Variants in PTK2B observed in about 807,000 individuals in gnomAD.
PTK2B encodes the protein protein tyrosine kinase 2 beta.
Under a neutral mutation model 142.9 loss-of-function variants are expected in PTK2B, and 71 were observed. That is an observed-to-expected ratio of 0.50 (90% CI 0.41 to 0.61). PTK2B has a LOEUF of 0.61. PTK2B is among the 20% of genes least tolerant of loss of function. PTK2B has a pLI of 0.00. For synonymous variants in PTK2B, 519 were observed against 503.4 expected (o/e 1.03, Z -0.42); for missense variants, 1,105 against 1,320.4 (o/e 0.84, Z 2.53).
At position 27,352,472 on chromosome 8, in the gene PTK2B, AG is replaced by A. The variant is rs902304500; in HGVS notation, c.-38+26798del. Among the ~76,000 whole-genome samples the A allele has an allele frequency of 3.3e-5, 5 of 152,044 alleles. No homozygotes were observed. In the East Asian group the frequency reaches 7.7e-4, roughly 23 times the overall value. The stretch of plus-strand genomic sequence containing the variant: ...ATCTACTTAACGTCTTCAGGGGTGG[AG>A]GGGGGGCGGTCATCTGGGCCAGCCT... On this transcript the variant is annotated intron_variant, in intron 1 of 30. Transcript: ENST00000346049.
At chr8:27,393,323 T>C (rs1807835785) in intron 1 of PTK2B, among the ~76,000 whole-genome samples, 1 of 152,206 alleles carries the variant, frequency 6.6e-6, no homozygotes, top group South Asian at 2.1e-4. Context: ...TGCAAAGGGC[T>C]AAAGGGAGAA....
At chr8:27,367,626 A>G (rs992933412) in intron 1 of PTK2B, among the ~76,000 whole-genome samples, 1 of 152,198 alleles carries the variant, frequency 6.6e-6, no homozygotes, top group Non-Finnish European at 1.5e-5. Context: ...GGTAATTCAT[A>G]AAGAAAAGAG....
chr8:27,442,418 A>G (rs9657294), intron 21 of PTK2B, among the ~76,000 whole-genome samples: 73,352 of 151,966 alleles, frequency 0.48, 18,291 homozygotes, highest in African/African-American at 0.6. Context: ...GTGAACCCAC[A>G]TGCCTCATTA....
chr8:27,423,857 T>G (rs1809911893), intron 5 of PTK2B, among the ~76,000 whole-genome samples: 1 of 152,140 alleles, frequency 6.6e-6, no homozygotes, highest in South Asian at 2.1e-4. Context: ...GGGCTTCACA[T>G]TTCGTGACTT....
chr8:27,379,339 A>G (rs1806871154), intron 1 of PTK2B, among the ~76,000 whole-genome samples: 1 of 152,108 alleles, frequency 6.6e-6, no homozygotes, highest in South Asian at 2.1e-4. Context: ...CTCCTAGGCC[A>G]CCTCACCCAC....
chr8:27,444,372 G>A, intron 23 of PTK2B, 101 bp downstream of exon 23: 6 of 1,356,764 alleles, frequency 4.4e-6, no homozygotes, highest in South Asian at 1.2e-5. Context: ...ACCCACTTGG[G>A]TGATGGAGAT....
intron 1 of PTK2B, among the ~76,000 whole-genome samples, chr8:27,343,637 C>A (rs1278816940): frequency 6.6e-6 from 1 of 152,222 alleles, no homozygotes; most frequent in East Asian, 1.9e-4. Context: ...TGCTTGACAA[C>A]CCCATTCAAC....
chr8:27,317,963 T>C (rs1207651267), intron 3 of PTK2B, among the ~76,000 whole-genome samples: 1 of 152,220 alleles, frequency 6.6e-6, no homozygotes, highest in Non-Finnish European at 1.5e-5. Flanking sequence ...ATTGGAAACA[T>C]TTTGAATGGG....
intron 20 of PTK2B, 149 bp downstream of exon 20, chr8:27,439,547 G>C (rs899222494): frequency 6.8e-6 from 6 of 878,446 alleles, no homozygotes; most frequent in Non-Finnish European, 1.1e-5. Flanking sequence ...AGTCTCAGAG[G>C]TGGGGAGGCC....
chr8:27,452,983 TG>T, intron 27 of PTK2B, 130 bp from the exon 28 acceptor site: 1 of 1,109,096 alleles, frequency 9.0e-7, no homozygotes, highest in Non-Finnish European at 1.3e-6. Context: ...GCCCGCTTCC[TG>T]GATTCAGAGT....
In PTK2B at chr8:27,437,888, T is replaced by G. The variant is rs1266080501; in HGVS notation, c.1643+8T>G. ...CATCAACTGCGTGCACAGGTAGGGG[T>G]GGAGGGAGTGGCCAGCGGTATGGAA... On this transcript the variant is annotated splice_region_variant and intron_variant, in intron 18 of 30. Coordinates refer to ENST00000346049, the MANE Select transcript of PTK2B (RefSeq NM_173176.3). 2 of 1,601,884 alleles carry G rather than the reference T, an allele frequency of 1.2e-6. No individual in the cohort carries two copies. The highest frequency in any genetic ancestry group is 8.5e-7 in the Non-Finnish European group (1 of 1,173,608).
intron 27 of PTK2B, 116 bp downstream of exon 27, chr8:27,451,625 A>G (rs1811822598): frequency 6.4e-7 from 1 of 1,561,730 alleles, no homozygotes; most frequent in Non-Finnish European, 8.7e-7. Flanking sequence ...TCCCTGCAGC[A>G]TCGGCCATGA....
intron 23 of PTK2B, among the ~76,000 whole-genome samples, chr8:27,445,552 A>G (rs552682552): frequency 6.6e-5 from 10 of 152,320 alleles, no homozygotes; most frequent in East Asian, 1.9e-4. Flanking sequence ...CGTAACCAGC[A>G]TGGACCCCAC....
chr8:27,449,790 C>CAAT (rs1369706910), intron 24 of PTK2B, among the ~76,000 whole-genome samples: 1 of 152,154 alleles, frequency 6.6e-6, no homozygotes, highest in Non-Finnish European at 1.5e-5. Flanking sequence ...GGAAGACATG[C>CAAT]AATACTTTCT....
chr8:27,403,409 G>A (rs950035226), intron 2 of PTK2B, among the ~76,000 whole-genome samples: 4 of 152,110 alleles, frequency 2.6e-5, no homozygotes, highest in Non-Finnish European at 5.9e-5. Context: ...TTCTGCAGAC[G>A]TAGTAGCTTC....
chr8:27,317,417 C>T (rs1803117984), intron 3 of PTK2B, among the ~76,000 whole-genome samples: 1 of 152,160 alleles, frequency 6.6e-6, no homozygotes, highest in Admixed American at 6.5e-5. Context: ...TTATGTCTTC[C>T]AATCCATGAA....
chr8:27,316,726 G>C (rs1343873590), intron 3 of PTK2B, among the ~76,000 whole-genome samples: 3 of 152,180 alleles, frequency 2.0e-5, no homozygotes, highest in African/African-American at 7.2e-5. Flanking sequence ...AAGGAGGGTG[G>C]GAGCTCTCAG....
chr8:27,451,516 G>A lies in PTK2B; in HGVS notation c.2548+7G>A. 1.2e-6 allele frequency: 2 copies of A among 1,614,174 alleles called. No homozygotes were observed. The highest frequency in any genetic ancestry group is 1.7e-6 in the Non-Finnish European group (2 of 1,180,024). On this transcript the variant is annotated splice_region_variant and intron_variant, in intron 27 of 30. Coordinates refer to ENST00000346049, the MANE Select transcript of PTK2B (RefSeq NM_173176.3). ...GAGAAGGAGGTCGGCTACCGTGAGTGTTCCCGCCCTTCTTCGGGGGGTTTC... is the reference window on the plus strand; with the variant it reads ...GAGAAGGAGGTCGGCTACCGTGAGTATTCCCGCCCTTCTTCGGGGGGTTTC...
chr8:27,423,388 G>A (rs1809881159), intron 5 of PTK2B, among the ~76,000 whole-genome samples: 1 of 152,046 alleles, frequency 6.6e-6, no homozygotes, highest in Non-Finnish European at 1.5e-5. Flanking sequence ...ACATCTGCTT[G>A]CAAATCATAA....
Sources: gnomAD v4.1 joint callset for allele counts (sites outside exome capture counted in the v4.1 genomes callset) on GRCh38, gnomAD v4.1.1 for gene constraint, MANE v1.5 for transcripts, NCBI Gene and HGNC (gene_info 2026-07-23, HGNC 2026-07-21) for gene names.